SGCZ: variants seen among roughly 807,000 people sequenced by gnomAD.
The protein encoded by SGCZ is zeta-sarcoglycan.
SGCZ carries 40 observed loss-of-function variants against 41.3 expected under a neutral mutation model. The observed-to-expected ratio is 0.97, with a 90% confidence interval of 0.75 to 1.26. The LOEUF is 1.26. SGCZ is among the 50% of genes most tolerant of loss of function. The pLI, the probability that SGCZ is intolerant of heterozygous loss-of-function variation, is 0.00. For synonymous variants in SGCZ, 206 were observed against 137.5 expected (o/e 1.50, Z -3.49); for missense variants, 552 against 369.8 (o/e 1.49, Z -4.04).
chr8:14,888,798 T>C (rs763072831), intron 1 of SGCZ, among the ~76,000 whole-genome samples: 1 of 152,190 alleles, frequency 6.6e-6, no homozygotes, highest in Non-Finnish European at 1.5e-5. Context: ...TTCTCAAAAA[T>C]ATGTAAGTTT....
At chr8:14,626,309 C>A (rs1352742101) in intron 1 of SGCZ, among the ~76,000 whole-genome samples, 1 of 152,072 alleles carries the variant, frequency 6.6e-6, no homozygotes, top group African/African-American at 2.4e-5. Flanking sequence ...TATCCCTCCC[C>A]CAACCCCCTC....
intron 5 of SGCZ, among the ~76,000 whole-genome samples, chr8:14,126,964 AC>A (rs1296129135): frequency 6.6e-6 from 1 of 151,458 alleles, no homozygotes; most frequent in Non-Finnish European, 1.5e-5. Context: ...GACAACACAC[AC>A]TGGGGCCATC....
chr8:14,755,533 T>G (rs1423007910), intron 1 of SGCZ, among the ~76,000 whole-genome samples: 2 of 152,190 alleles, frequency 1.3e-5, no homozygotes, highest in African/African-American at 4.8e-5. Context: ...TTTAATAAGC[T>G]CTTAACAACA....
At chr8:14,253,944 TCA>T (rs1563214906) in intron 3 of SGCZ, among the ~76,000 whole-genome samples, 4 of 151,908 alleles carry the variant, frequency 2.6e-5, no homozygotes, top group Non-Finnish European at 4.4e-5. Flanking sequence ...GTTCTGCTTT[TCA>T]TGAAACATTT....
At chr8:14,575,913 C>CAAAAAAAAAAAAAAAAAAAAAAAAAAAA (rs66656586) in intron 1 of SGCZ, among the ~76,000 whole-genome samples, 1 of 100,004 alleles carries the variant, frequency 1.0e-5, no homozygotes, top group South Asian at 3.8e-4. Flanking sequence ...CTCAAAATAA[C>CAAAAAAAAAAAAAAAAAAAAAAAAAAAA]AAAAAAAAAA....
At chr8:14,850,223 G>A (rs1420743764) in intron 1 of SGCZ, among the ~76,000 whole-genome samples, 1 of 152,100 alleles carries the variant, frequency 6.6e-6, no homozygotes, top group African/African-American at 2.4e-5. Flanking sequence ...TCATTCAAAT[G>A]TTCATTCAAT....
intron 2 of SGCZ, among the ~76,000 whole-genome samples, chr8:14,328,011 G>T (rs531438424): frequency 1.3e-5 from 2 of 152,072 alleles, no homozygotes; most frequent in African/African-American, 4.8e-5. Context: ...TTATAACACC[G>T]TGTTGTAAAT....
intron 4 of SGCZ, among the ~76,000 whole-genome samples, chr8:14,202,452 C>G (rs991808715): frequency 2.0e-5 from 3 of 151,654 alleles, no homozygotes; most frequent in South Asian, 2.1e-4. Flanking sequence ...CCATAGATAA[C>G]GAATGTACCA....
chr8:15,017,698 G>T (rs1040764729), intron 1 of SGCZ, among the ~76,000 whole-genome samples: 1 of 151,886 alleles, frequency 6.6e-6, no homozygotes, highest in Non-Finnish European at 1.5e-5. Flanking sequence ...CAGAGACAGG[G>T]TTTCACCATG....
intron 6 of SGCZ, among the ~76,000 whole-genome samples, 164 bp from the exon 7 acceptor site, chr8:14,102,663 GAGTTTCAGAACAATT>G (rs1372748586): frequency 6.6e-6 from 1 of 152,158 alleles, no homozygotes; most frequent in Non-Finnish European, 1.5e-5. Flanking sequence ...AAGCCAGAAT[GAGTTTCAGAACAATT>G]TTTGATTGAC....
At chr8:14,958,754 A>T (rs1234065820) in intron 1 of SGCZ, among the ~76,000 whole-genome samples, 1 of 152,114 alleles carries the variant, frequency 6.6e-6, no homozygotes, top group Non-Finnish European at 1.5e-5. Flanking sequence ...ATTGAACTCT[A>T]TGATGTTGCA....
At chr8:14,387,883 A>G (rs1014426446) in intron 2 of SGCZ, among the ~76,000 whole-genome samples, 4 of 152,178 alleles carry the variant, frequency 2.6e-5, no homozygotes, top group Non-Finnish European at 4.4e-5. Context: ...AATGTATCAA[A>G]ACCCTGAAAT....
At chr8:15,032,452 C>G (rs1297740473) in intron 1 of SGCZ, among the ~76,000 whole-genome samples, 1 of 152,088 alleles carries the variant, frequency 6.6e-6, no homozygotes. Flanking sequence ...GCCTTGGACC[C>G]AACACCAGGC....
chr8:14,971,023 G>T (rs1251390157), intron 1 of SGCZ, among the ~76,000 whole-genome samples: 1 of 151,962 alleles, frequency 6.6e-6, no homozygotes, highest in East Asian at 1.9e-4. Context: ...TTGTCTCTAG[G>T]ACATATTTTT....
intron 1 of SGCZ, among the ~76,000 whole-genome samples, chr8:14,942,115 C>T (rs527589343): frequency 1.3e-5 from 2 of 152,032 alleles, no homozygotes; most frequent in South Asian, 2.1e-4. Flanking sequence ...TCCCTAGATA[C>T]CTCTTAGACT....
At chr8:14,654,366 T>C (rs1807494426) in intron 1 of SGCZ, among the ~76,000 whole-genome samples, 1 of 152,116 alleles carries the variant, frequency 6.6e-6, no homozygotes. Flanking sequence ...GTGCCTCATT[T>C]TACCTATCTG....
intron 1 of SGCZ, among the ~76,000 whole-genome samples, chr8:14,957,735 G>T (rs527920948): frequency 6.6e-5 from 10 of 151,852 alleles, no homozygotes; most frequent in Non-Finnish European, 1.2e-4. Context: ...TCAATGTTAC[G>T]TATTGTGAAT....
intron 1 of SGCZ, among the ~76,000 whole-genome samples, chr8:14,810,354 A>G (rs967982456): frequency 6.6e-6 from 1 of 151,988 alleles, no homozygotes; most frequent in African/African-American, 2.4e-5. Context: ...ATCATATTCT[A>G]TTTTCCTAAT....
chr8:14,669,819 C>T (rs1165814099), intron 1 of SGCZ, among the ~76,000 whole-genome samples: 1 of 151,954 alleles, frequency 6.6e-6, no homozygotes, highest in African/African-American at 2.4e-5. Flanking sequence ...GTGCAGATAT[C>T]TCATCGAGAT....
Sources: allele counts gnomAD v4.1 joint callset (sites outside exome capture counted in the v4.1 genomes callset), GRCh38; gene constraint gnomAD v4.1.1; transcripts MANE v1.5; gene names NCBI Gene and HGNC (gene_info 2026-07-23, HGNC 2026-07-21).